FTCD: variants seen among roughly 807,000 people sequenced by gnomAD.
FTCD encodes the protein formimidoyltransferase-cyclodeaminase.
A neutral mutation model predicts 62.9 loss-of-function variants in FTCD; 76 were observed. That is an observed-to-expected ratio of 1.21 (90% CI 1.00 to 1.46). The LOEUF (loss-of-function observed/expected upper bound fraction) is 1.46. FTCD is among the 40% of genes most tolerant of loss of function. The pLI, the probability that FTCD is intolerant of heterozygous loss-of-function variation, is 0.00. For missense variants in FTCD, 845 were observed against 751.3 expected (o/e 1.12, Z -1.46); for synonymous variants, 397 against 336.9 (o/e 1.18, Z -1.95).
intron 7 of FTCD, among the ~76,000 whole-genome samples, chr21:46,148,296 G>A (rs2079194451): frequency 6.6e-6 from 1 of 152,182 alleles, no homozygotes; most frequent in Non-Finnish European, 1.5e-5. Context: ...CGTCTCTGAG[G>A]AGGACACAAT....
chr21:46,143,579 A>G (rs1246704271), intron 10 of FTCD, among the ~76,000 whole-genome samples: 1 of 152,230 alleles, frequency 6.6e-6, no homozygotes, highest in Admixed American at 6.5e-5. Flanking sequence ...ATCATAACCT[A>G]GGAAAAACCA....
intron 1 of FTCD, among the ~76,000 whole-genome samples, chr21:46,154,757 C>T (rs1438882447): frequency 6.6e-6 from 1 of 152,246 alleles, no homozygotes; most frequent in African/African-American, 2.4e-5. Context: ...TTCCGGGTGG[C>T]AGGACTGCTG....
chr21:46,153,878 C>T (rs1477282176), intron 2 of FTCD, among the ~76,000 whole-genome samples: 2 of 152,252 alleles, frequency 1.3e-5, no homozygotes, highest in Non-Finnish European at 1.5e-5. Flanking sequence ...CCTTCCCCGG[C>T]GTGGCCCCCT....
intron 10 of FTCD, among the ~76,000 whole-genome samples, chr21:46,143,275 CAT>C (rs1166932631): frequency 6.6e-6 from 1 of 151,860 alleles, no homozygotes; most frequent in East Asian, 1.9e-4. Flanking sequence ...GGCTGGGGCA[CAT>C]GTTTCTCTCT....
intron 7 of FTCD, among the ~76,000 whole-genome samples, chr21:46,148,396 G>A (rs981083405): frequency 2.0e-5 from 3 of 152,196 alleles, no homozygotes; most frequent in Non-Finnish European, 2.9e-5. Context: ...AGGCTGACGT[G>A]AGTGGATTGC....
chr21:46,138,683 A>C (rs770320375), intron 11 of FTCD, 37 bp from the exon 12 acceptor site: 8 of 1,590,638 alleles, frequency 5.0e-6, no homozygotes, highest in South Asian at 1.1e-5. Context: ...GCACAGCGGC[A>C]CACACAGGCA....
Position 46,145,477 on chromosome 21 carries a change from C to G in FTCD, c.1200G>C (p.Glu400Asp). The G allele has an allele frequency of 6.4e-7, 1 of 1,558,734 alleles. No individual in the cohort carries two copies. The highest frequency in any genetic ancestry group is 8.7e-7 in the Non-Finnish European group (1 of 1,152,180). The change falls in exon 10 of 14, where the codon GAG becomes GAC. Residue 400 changes from glutamate to aspartate, a missense_variant. Coordinates refer to ENST00000397746, the MANE Select transcript of FTCD (RefSeq NM_206965.2). ...CCAGCGTGGTTAGCTTGGCCGAAGCCTCGCGGAAGGGCGGGATCAGGCGCC... is the reference window on the plus strand; with the variant it reads ...CCAGCGTGGTTAGCTTGGCCGAAGCGTCGCGGAAGGGCGGGATCAGGCGCC... ...TMRRLIPPFR[E>D]ASAKLTTLVD...
At chr21:46,150,737 C>T (rs2079249738) in intron 5 of FTCD, among the ~76,000 whole-genome samples, 1 of 151,668 alleles carries the variant, frequency 6.6e-6, no homozygotes. Flanking sequence ...AAGGGTCAGA[C>T]ACCGGAGGCC....
chr21:46,142,821 G>A (rs1386029129), intron 10 of FTCD: 2 of 152,216 alleles, frequency 1.3e-5, no homozygotes, highest in African/African-American at 4.8e-5. Context: ...GTGCTGATTG[G>A]TCCGTTTTTA....
intron 2 of FTCD, among the ~76,000 whole-genome samples, chr21:46,153,636 A>G (rs2839127): frequency 0.75 from 113,457 of 152,218 alleles, 44,616 homozygotes; most frequent in East Asian, 0.99. Context: ...CTTCTCATCC[A>G]TCCACCCCTC....
rs368782658 is a variant in FTCD, at chr21:46,138,563, G to A, written c.1388C>T (p.Pro463Leu). Reference sequence around the variant, plus strand: ...ACACCGGGCCAGTTCCTGCAGGGCCGGCCACAGCGAGGCCACCGTCTCCGC... The same window carrying A: ...ACACCGGGCCAGTTCCTGCAGGGCCAGCCACAGCGAGGCCACCGTCTCCGC... ...TLAETVASLWPALQELARCGN... is the reference protein window; with the variant it reads ...TLAETVASLWLALQELARCGN... The change falls in exon 12 of 14, where the codon CCG (proline) becomes CTG (leucine). Residue 463 changes from proline (P) to leucine (L), a missense_variant. By Grantham distance (98) the Pro-to-Leu change is moderately conservative. Coordinates refer to ENST00000397746, the MANE Select transcript of FTCD (RefSeq NM_206965.2). 34 of 1,586,720 alleles carry A rather than the reference G, an allele frequency of 2.1e-5. No individual in the cohort carries two copies. Among genetic ancestry groups the A allele is most frequent in the African/African-American group, 8.0e-5 (6 of 74,766 alleles).
intron 3 of FTCD, 118 bp downstream of exon 3, chr21:46,152,789 G>C: frequency 1.2e-6 from 1 of 860,072 alleles, no homozygotes. Flanking sequence ...TTGGCTTTTT[G>C]GAACACTCTG....
chr21:46,153,769 G>A lies in FTCD; in HGVS notation c.238+380C>T, dbSNP rs991676870. Among the ~76,000 whole-genome samples the A allele has an allele frequency of 7.9e-5, 12 of 152,184 alleles. No individual in the cohort carries two copies. In the South Asian group the frequency reaches 1.0e-3, roughly 13 times the overall value. On this transcript the variant is annotated intron_variant, in intron 2 of 13. Transcript: ENST00000397746. ...CGAGGTGTTTGGCTTGTGGGCTGTT[G>A]ACAGGTCAGCTTCCAGGCAGCCCTT... is the stretch of plus-strand genomic sequence containing the variant.
intron 10 of FTCD, among the ~76,000 whole-genome samples, chr21:46,141,307 T>TA (rs1305796272): frequency 2.0e-5 from 3 of 151,020 alleles, no homozygotes; most frequent in African/African-American, 7.4e-5. Context: ...GGCTTTATTT[T>TA]TTTTTTTTCT....
chr21:46,145,693 C>G (rs1373128854), intron 9 of FTCD, 115 bp from the exon 10 acceptor site: 2 of 514,864 alleles, frequency 3.9e-6, no homozygotes, highest in East Asian at 1.2e-4. Context: ...GTGGCCCCCA[C>G]GTCTCCACCC....
chr21:46,152,244 A>C (rs192845869), intron 3 of FTCD: 1 of 464,380 alleles, frequency 2.2e-6, no homozygotes, highest in East Asian at 3.3e-5. Context: ...CATGTGGGAC[A>C]TGCTAACGGC....
Position 46,155,459 on chromosome 21 carries a change from T to G in FTCD, c.54+11A>C, listed in dbSNP as rs1408538643. The G allele has an allele frequency of 7.5e-6, 12 of 1,610,680 alleles. No homozygotes were observed. In the Admixed American group the frequency reaches 1.7e-4, roughly 22 times the overall value. ...CAGCCCTAGATGCTTGACCAGCTCC[T>G]CGGGCCTCACCTCCTGGTTCTTCCC... On this transcript the variant is annotated intron_variant, in intron 1 of 13. Coordinates refer to ENST00000397746, the MANE Select transcript of FTCD (RefSeq NM_206965.2).
chr21:46,146,117 A>T (rs1568974483), intron 8 of FTCD, 149 bp downstream of exon 8: 7 of 740,824 alleles, frequency 9.4e-6, no homozygotes, highest in Admixed American at 2.4e-5. Flanking sequence ...CAGCCCCCAG[A>T]CCCCGGCTTG....
rs371209484 is a variant in FTCD, at chr21:46,136,958, C to G, written c.*29G>C. ...CTCTGGGGATGGGCGAGGGAGGGGC[C>G]ACAGAGCCCGGAGAGGCCTCCCGCA... is the stretch of plus-strand genomic sequence containing the variant. On this transcript the variant is annotated 3_prime_UTR_variant, in exon 14 of 14. Coordinates refer to ENST00000397746, the MANE Select transcript of FTCD (RefSeq NM_206965.2). The G allele has an allele frequency of 6.2e-7, 1 of 1,612,666 alleles. No homozygotes were observed. The highest frequency in any genetic ancestry group is 1.3e-5 in the African/African-American group (1 of 74,902).
Sources: gnomAD v4.1 joint callset for allele counts (sites outside exome capture counted in the v4.1 genomes callset) on GRCh38, gnomAD v4.1.1 for gene constraint, MANE v1.5 for transcripts, NCBI Gene and HGNC (gene_info 2026-07-23, HGNC 2026-07-21) for gene names.